The following SPECC1 variants were observed in gnomAD, a reference collection of about 807,000 sequenced individuals.
SPECC1 encodes sperm antigen with calponin homology and coiled-coil domains 1.
SPECC1 carries 62 observed loss-of-function variants against 104.1 expected under a neutral mutation model. That is an observed-to-expected ratio of 0.60 (90% CI 0.49 to 0.74). The LOEUF is 0.74. Ranked by LOEUF, SPECC1 falls within the 30% of genes least tolerant of loss-of-function variation. The probability of loss-of-function intolerance (pLI) is 0.00; values close to 1 mark genes in which losing one functional copy is unlikely to be tolerated. For synonymous variants in SPECC1, 513 were observed against 501.6 expected (o/e 1.02, Z -0.30); for missense variants, 1,306 against 1,310.5 (o/e 1.00, Z 0.05).
At chr17:20,010,168 G>T (rs2043891279) in intron 1 of SPECC1, 1 of 149,786 alleles carries the variant, frequency 6.7e-6, no homozygotes, top group Non-Finnish European at 1.5e-5. Context: ...TTTTCCTAAG[G>T]AAGTTTGACT....
At chr17:20,186,547 T>C (rs1368241265) in intron 3 of SPECC1, among the ~76,000 whole-genome samples, 1 of 152,086 alleles carries the variant, frequency 6.6e-6, no homozygotes, top group Non-Finnish European at 1.5e-5. Flanking sequence ...TGCCAAATGG[T>C]TTACGTGATT....
At chr17:20,260,111 A>C (rs1176796980) in intron 11 of SPECC1, 81 bp from the exon 12 acceptor site, 2 of 1,130,480 alleles carry the variant, frequency 1.8e-6, no homozygotes, top group Non-Finnish European at 2.5e-6. Flanking sequence ...GCTTTTCTAA[A>C]GTAGGTATTT....
intron 3 of SPECC1, among the ~76,000 whole-genome samples, chr17:20,122,847 C>T (rs1218017473): frequency 6.6e-6 from 1 of 152,226 alleles, no homozygotes; most frequent in Non-Finnish European, 1.5e-5. Context: ...ATTTCCTTGT[C>T]TGGATATACC....
At chr17:20,191,914 A>G (rs1395038675) in intron 3 of SPECC1, among the ~76,000 whole-genome samples, 1 of 151,756 alleles carries the variant, frequency 6.6e-6, no homozygotes, top group Non-Finnish European at 1.5e-5. Flanking sequence ...GTGTTTTTCC[A>G]TTTTTAGTCA....
chr17:20,118,790 ATAAATT>A, intron 3 of SPECC1, among the ~76,000 whole-genome samples: 1 of 152,360 alleles, frequency 6.6e-6, no homozygotes, highest in South Asian at 2.1e-4. Flanking sequence ...TAAATACAAC[ATAAATT>A]TAGACAATAT....
intron 13 of SPECC1, among the ~76,000 whole-genome samples, chr17:20,297,284 T>C (rs2041385738): frequency 6.6e-6 from 1 of 152,208 alleles, no homozygotes; most frequent in Non-Finnish European, 1.5e-5. Context: ...GAATCTCAGC[T>C]TCATGGTTTC....
chr17:20,241,239 G>A (rs1382332868), intron 7 of SPECC1, among the ~76,000 whole-genome samples: 4 of 152,300 alleles, frequency 2.6e-5, no homozygotes, highest in East Asian at 1.9e-4. Flanking sequence ...AGCCTGGAAC[G>A]CAGAGCCAGC....
chr17:20,036,712 G>A (rs1567805739), intron 1 of SPECC1, among the ~76,000 whole-genome samples: 1 of 152,056 alleles, frequency 6.6e-6, no homozygotes, highest in Admixed American at 6.6e-5. Context: ...CCTACCCCTA[G>A]TTGCTTTACA....
intron 3 of SPECC1, among the ~76,000 whole-genome samples, chr17:20,143,832 C>T (rs1484289253): frequency 6.6e-6 from 1 of 152,198 alleles, no homozygotes; most frequent in Non-Finnish European, 1.5e-5. Flanking sequence ...GGGCTGATCA[C>T]GCAAGGCAGG....
chr17:20,068,520 T>A (rs1352805880), intron 1 of SPECC1, among the ~76,000 whole-genome samples: 1 of 152,206 alleles, frequency 6.6e-6, no homozygotes, highest in Non-Finnish European at 1.5e-5. Context: ...AGTTACTGGG[T>A]CATAATGGTA....
At position 20,314,905 on chromosome 17, in the gene SPECC1, G is replaced by C. The variant is rs2042019639; in HGVS notation, c.*840G>C. ...CCTGTGAGAATGCAAGGGAGCCCCTGGCTGCTTTGCTGGAGTCCCTGGGAG... is the reference window on the plus strand; with the variant it reads ...CCTGTGAGAATGCAAGGGAGCCCCTCGCTGCTTTGCTGGAGTCCCTGGGAG... On this transcript the variant is annotated 3_prime_UTR_variant, in exon 15 of 15. Coordinates refer to ENST00000395527, the MANE Select transcript of SPECC1 (RefSeq NM_001243439.2). 1 of 232,260 alleles carries C rather than the reference G, an allele frequency of 4.3e-6. No individual in the cohort carries two copies. Among genetic ancestry groups the C allele is most frequent in the African/African-American group, 2.2e-5 (1 of 45,278 alleles). 14.4% of individuals were successfully genotyped at this position (232,260 alleles called of 1,614,324 possible).
intron 1 of SPECC1, chr17:20,010,195 G>A (rs1213411558): frequency 2.1e-5 from 2 of 94,056 alleles, no homozygotes; most frequent in Non-Finnish European, 4.2e-5. Context: ...ATCTTATTTT[G>A]CTGGAGCTCC....
At chr17:20,056,980 AGAATTAGAGGTCATCAG>A (rs1284606733) in intron 1 of SPECC1, among the ~76,000 whole-genome samples, 1 of 152,190 alleles carries the variant, frequency 6.6e-6, no homozygotes, top group Non-Finnish European at 1.5e-5. Context: ...AGCCGAAACC[AGAATTAGAGGTCATCAG>A]GAATGATGAT....
Position 20,204,519 on chromosome 17 carries a change from A to G in SPECC1, c.470A>G (p.Glu157Gly), listed in dbSNP as rs774770182. The change falls in exon 4 of 15, where the codon GAG (glutamate) becomes GGG (glycine). Residue 157 changes from glutamate to glycine, a missense_variant. Around this residue, in one of 2 missense-constraint regions of SPECC1, gnomAD observed 1,177 missense variants for 1,139.9 expected, o/e 1.03. Transcript: ENST00000395527. The part of the protein sequence containing the change: ...LRTPSTKPKQ[E>G]NEGGEKAALE... Reference sequence around the variant, plus strand: ...ACCCCTTCCACAAAGCCCAAGCAAGAGAATGAAGGTGGAGAAAAGGCTGCG... The same window carrying G: ...ACCCCTTCCACAAAGCCCAAGCAAGGGAATGAAGGTGGAGAAAAGGCTGCG... The G allele has an allele frequency of 1.2e-6, 2 of 1,614,062 alleles. No homozygotes were observed. The highest frequency in any genetic ancestry group is 4.5e-5 in the East Asian group (2 of 44,890).
At chr17:20,017,594 C>A in intron 1 of SPECC1, 1 of 152,480 alleles carries the variant, frequency 6.6e-6, no homozygotes, top group South Asian at 2.1e-4. Flanking sequence ...TCTTACTTCT[C>A]TCGCCTTACA....
chr17:20,194,502 A>ATTATTTTTTTTTTTTTT lies in SPECC1; in HGVS notation c.284-9829_284-9828insATTTTTTTTTTTTTTTT. Among the ~76,000 whole-genome samples the ATTATTTTTTTTTTTTTT allele has an allele frequency of 1.5e-3, 128 of 86,532 alleles. 12 individuals are homozygous for ATTATTTTTTTTTTTTTT. The highest frequency in any genetic ancestry group is 7.1e-3 in the Middle Eastern group (1 of 140). The allele number at this position is 86,532 out of a possible 152,430, so 56.8% of individuals were successfully genotyped here. On this transcript the variant is annotated intron_variant, in intron 3 of 14. Coordinates refer to ENST00000395527, the MANE Select transcript of SPECC1 (RefSeq NM_001243439.2). Reference sequence around the variant, plus strand: ...TGTGTTCTGTTAGAAAAGAGAACGAATTTTTTTTTTTTTTTTTTTTTTTGA... The same window carrying ATTATTTTTTTTTTTTTT: ...TGTGTTCTGTTAGAAAAGAGAACGAATTATTTTTTTTTTTTTTTTTTTTTTTTTTTTTTTTTTTTTGA...
At chr17:20,051,129 T>TTTCC (rs60790842) in intron 1 of SPECC1, among the ~76,000 whole-genome samples, 14 of 97,742 alleles carry the variant, frequency 1.4e-4, no homozygotes, top group African/African-American at 6.2e-4. Context: ...TCTTTCTTTC[T>TTTCC]TTCTTTCTTT....
intron 3 of SPECC1, among the ~76,000 whole-genome samples, chr17:20,127,101 A>C (rs938431056): frequency 6.6e-6 from 1 of 152,126 alleles, no homozygotes; most frequent in Admixed American, 6.6e-5. Context: ...TTCTTCAACT[A>C]TTATGTTTTT....
chr17:20,131,654 T>G (rs2049638852), intron 3 of SPECC1, among the ~76,000 whole-genome samples: 1 of 149,364 alleles, frequency 6.7e-6, no homozygotes, highest in East Asian at 2.0e-4. Context: ...TTTTTTTTTT[T>G]TTTTGCTTTT....
Sources: gnomAD v4.1 joint callset for allele counts (sites outside exome capture counted in the v4.1 genomes callset) on GRCh38, gnomAD v4.1.1 for gene constraint, gnomAD v4.1.1 regional missense constraint, MANE v1.5 for transcripts, NCBI Gene and HGNC (gene_info 2026-07-23, HGNC 2026-07-21) for gene names.